TRDN: variants seen among roughly 807,000 people sequenced by gnomAD.
TRDN encodes triadin, also known as triadin in skeletal muscle.
In TRDN, 161 loss-of-function variants were observed where a neutral mutation model predicts 149.7. The ratio of observed to expected loss-of-function variants is 1.08; its 90% CI spans 0.95 to 1.23. The LOEUF (loss-of-function observed/expected upper bound fraction) is 1.23, where lower values mean the gene tolerates loss of function less well. TRDN is among the 50% of genes most tolerant of loss of function. The pLI is 0.00. For synonymous variants in TRDN, 294 were observed against 250.5 expected (o/e 1.17, Z -1.64); for missense variants, 896 against 823.5 (o/e 1.09, Z -1.08).
At chr6:123,556,028 CTT>C (rs1056853130) in intron 2 of TRDN, among the ~76,000 whole-genome samples, 1 of 152,050 alleles carries the variant, frequency 6.6e-6, no homozygotes, top group Non-Finnish European at 1.5e-5. Flanking sequence ...TTATTTAACA[CTT>C]TAGCAGGATA....
intron 5 of TRDN, among the ~76,000 whole-genome samples, 154 bp downstream of exon 5, chr6:123,530,350 CTG>C (rs1562367784): frequency 2.2e-4 from 7 of 31,610 alleles, no homozygotes; most frequent in African/African-American, 5.1e-4. Context: ...CTGAAATTAA[CTG>C]ATATACATTT....
At chr6:123,404,150 T>C (rs1773097509) in intron 12 of TRDN, among the ~76,000 whole-genome samples, 1 of 152,200 alleles carries the variant, frequency 6.6e-6, no homozygotes, top group Admixed American at 6.5e-5. Flanking sequence ...ATCTTCTCCT[T>C]GGACTTTCAT....
At chr6:123,228,202 G>A (rs1307968516) in intron 38 of TRDN, among the ~76,000 whole-genome samples, 1 of 151,848 alleles carries the variant, frequency 6.6e-6, no homozygotes, top group Non-Finnish European at 1.5e-5. Flanking sequence ...TTTTATAGGT[G>A]GGACAATTAA....
intron 13 of TRDN, among the ~76,000 whole-genome samples, chr6:123,389,082 A>G (rs1403811170): frequency 2.6e-5 from 4 of 152,156 alleles, no homozygotes; most frequent in East Asian, 3.9e-4. Flanking sequence ...CTTCTTTTAC[A>G]TAGAGAAAAA....
intron 5 of TRDN, among the ~76,000 whole-genome samples, chr6:123,525,508 G>A (rs992090687): frequency 1.3e-5 from 2 of 151,958 alleles, no homozygotes; most frequent in African/African-American, 2.4e-5. Flanking sequence ...TAGACATAAA[G>A]ACGGAAATAA....
intron 1 of TRDN, among the ~76,000 whole-genome samples, chr6:123,580,703 C>G (rs915759892): frequency 2.0e-5 from 3 of 152,104 alleles, no homozygotes; most frequent in African/African-American, 7.2e-5. Context: ...AATCAAATAG[C>G]TGTAACTATG....
chr6:123,299,535 G>A (rs9490721), intron 24 of TRDN, among the ~76,000 whole-genome samples: 28,377 of 151,914 alleles, frequency 0.19, 3,582 homozygotes, highest in East Asian at 0.66. Context: ...TGTCAAATTT[G>A]AGCAGCAAGT....
At position 123,521,953 on chromosome 6, in the gene TRDN, C is replaced by T. The variant is rs1014631240; in HGVS notation, c.485-5747G>A. Among the ~76,000 whole-genome samples the T allele has an allele frequency of 7.2e-5, 11 of 152,192 alleles. No homozygotes were observed. The East Asian group carries it at 1.7e-3, about 24-fold the overall frequency. On this transcript the variant is annotated intron_variant, in intron 5 of 40. Coordinates refer to ENST00000334268, the MANE Select transcript of TRDN (RefSeq NM_006073.4). ...CTTATTCATCATGGAATTTGTAGTG[C>T]CCAGTATGGTGTTTGGCACAAAGTA...
chr6:123,287,190 T>G (rs1777832527), intron 24 of TRDN, among the ~76,000 whole-genome samples: 1 of 152,210 alleles, frequency 6.6e-6, no homozygotes, highest in Non-Finnish European at 1.5e-5. Flanking sequence ...TATATTCAGT[T>G]AAGATACTGG....
chr6:123,273,383 T>C lies in TRDN; in HGVS notation c.1598-20A>G, dbSNP rs1350741839. Reference sequence around the variant, plus strand: ...ATATAGCTAAAATAAATAAATAACATATTAGATTAAATTACCTGCAAAATG... The same window carrying C: ...ATATAGCTAAAATAAATAAATAACACATTAGATTAAATTACCTGCAAAATG... On this transcript the variant is annotated intron_variant, in intron 27 of 40. Transcript: ENST00000334268. The C allele has an allele frequency of 6.4e-6, 6 of 944,072 alleles. No homozygotes were observed. The highest frequency in any genetic ancestry group is 8.6e-6 in the Non-Finnish European group (6 of 695,162). 58.5% of individuals were successfully genotyped at this position (944,072 alleles called of 1,614,324 possible).
intron 1 of TRDN, among the ~76,000 whole-genome samples, chr6:123,585,531 C>T (rs753279898): frequency 1.4e-4 from 21 of 152,018 alleles, no homozygotes; most frequent in Non-Finnish European, 2.5e-4. Context: ...AGGGGGCTTC[C>T]GAGGCGATTG....
chr6:123,455,067 C>T (rs1223529781), intron 10 of TRDN, among the ~76,000 whole-genome samples: 1 of 152,176 alleles, frequency 6.6e-6, no homozygotes, highest in South Asian at 2.1e-4. Flanking sequence ...AGAAGTGCCA[C>T]CTTTTACTTC....
chr6:123,617,987 T>C (rs1487811188), intron 1 of TRDN, among the ~76,000 whole-genome samples: 2 of 152,110 alleles, frequency 1.3e-5, no homozygotes, highest in Non-Finnish European at 2.9e-5. Flanking sequence ...TCCGCCCATC[T>C]CGGCCTCCCA....
chr6:123,555,343 T>A (rs1781590318), intron 2 of TRDN, among the ~76,000 whole-genome samples: 1 of 152,118 alleles, frequency 6.6e-6, no homozygotes, highest in Non-Finnish European at 1.5e-5. Flanking sequence ...CTGTTTTATT[T>A]CAAATTGAAA....
In TRDN at chr6:123,472,281, G is replaced by A. The variant is rs141136543; in HGVS notation, c.854-7298C>T. Among the ~76,000 whole-genome samples, 935 of 152,298 alleles carry A rather than the reference G, an allele frequency of 6.1e-3. 8 individuals are homozygous for A. The highest frequency in any genetic ancestry group is 0.021 in the African/African-American group (877 of 41,580). ...TTGCCTCAGTCGGGAAGTGCAAGGG[G>A]TCAGGGAGTTCCCCTTCCGAGTCAA... is the stretch of plus-strand genomic sequence containing the variant. On this transcript the variant is annotated intron_variant, in intron 9 of 40. Coordinates refer to ENST00000334268, the MANE Select transcript of TRDN (RefSeq NM_006073.4).
At chr6:123,253,749 G>C (rs1776459524) in intron 37 of TRDN, among the ~76,000 whole-genome samples, 1 of 152,122 alleles carries the variant, frequency 6.6e-6, no homozygotes, top group Admixed American at 6.6e-5. Flanking sequence ...TCACAGAACA[G>C]AGTGAGAAGT....
intron 12 of TRDN, among the ~76,000 whole-genome samples, chr6:123,394,196 G>T (rs549745037): frequency 6.6e-6 from 1 of 152,094 alleles, no homozygotes; most frequent in African/African-American, 2.4e-5. Flanking sequence ...AAATATATCC[G>T]AGAGAATGAG....
chr6:123,274,892 A>T (rs1777319671), intron 26 of TRDN, among the ~76,000 whole-genome samples: 1 of 152,082 alleles, frequency 6.6e-6, no homozygotes, highest in African/African-American at 2.4e-5. Context: ...CCAGTTTTAC[A>T]CTGGTTTGCC....
intron 7 of TRDN, among the ~76,000 whole-genome samples, chr6:123,506,542 G>A (rs1778932420): frequency 6.6e-6 from 1 of 151,802 alleles, no homozygotes; most frequent in Non-Finnish European, 1.5e-5. Context: ...AGGCTGGAGT[G>A]CAATGGTGCA....
Sources: gnomAD v4.1 joint callset for allele counts (sites outside exome capture counted in the v4.1 genomes callset) on GRCh38, gnomAD v4.1.1 for gene constraint, MANE v1.5 for transcripts, NCBI Gene and HGNC (gene_info 2026-07-23, HGNC 2026-07-21) for gene names.